The following LRRTM4 variants were observed in gnomAD, a reference collection of about 807,000 sequenced individuals.
LRRTM4 encodes the protein leucine-rich repeat transmembrane neuronal protein 4.
A neutral mutation model predicts 47.6 loss-of-function variants in LRRTM4; 25 were observed. That is an observed-to-expected ratio of 0.53 (90% CI 0.38 to 0.73). The LOEUF (loss-of-function observed/expected upper bound fraction) is 0.73. Ranked by LOEUF, LRRTM4 falls within the 30% of genes least tolerant of loss-of-function variation. The probability of loss-of-function intolerance (pLI) is 0.00; values close to 1 mark genes in which losing one functional copy is unlikely to be tolerated. For synonymous variants in LRRTM4, 311 were observed against 269.5 expected (o/e 1.15, Z -1.51); for missense variants, 638 against 713.4 (o/e 0.89, Z 1.20).
intron 3 of LRRTM4, among the ~76,000 whole-genome samples, chr2:76,948,369 A>T (rs142065282): frequency 6.6e-6 from 1 of 151,870 alleles, no homozygotes; most frequent in South Asian, 2.1e-4. Context: ...GTGAAGACAA[A>T]TGTCTTGCCT....
chr2:77,066,546 G>A (rs1425356424), intron 3 of LRRTM4, among the ~76,000 whole-genome samples: 1 of 152,180 alleles, frequency 6.6e-6, no homozygotes, highest in Non-Finnish European at 1.5e-5. Context: ...GAAGCTTAAT[G>A]TGAAAGTTCA....
chr2:76,796,222 C>T lies in LRRTM4; in HGVS notation c.1552-47306G>A, dbSNP rs1401699664. 1.9e-4 allele frequency among the ~76,000 whole-genome samples: 23 copies of T among 120,128 alleles called. 1 individual carries two copies. Among genetic ancestry groups the T allele is most frequent in the East Asian group, 3.1e-4 (1 of 3,214 alleles). The allele number at this position is 120,128 out of a possible 152,430, so 78.8% of individuals were successfully genotyped here. On this transcript the variant is annotated intron_variant, in intron 3 of 3. Coordinates refer to ENST00000409884, the MANE Select transcript of LRRTM4 (RefSeq NM_001134745.3). ...AGCAGTCTGAGATCAAACTGCAAGG[C>T]GGCAGCCAGGCTGGGGGAGGGGTGC... is the stretch of plus-strand genomic sequence containing the variant.
At chr2:76,902,235 C>A (rs1673661837) in intron 3 of LRRTM4, among the ~76,000 whole-genome samples, 1 of 152,306 alleles carries the variant, frequency 6.6e-6, no homozygotes, top group Non-Finnish European at 1.5e-5. Flanking sequence ...CTCTGGCCCT[C>A]TGGCTACACC....
At position 76,780,402 on chromosome 2, in the gene LRRTM4, C is replaced by G. The variant is rs1305939243; in HGVS notation, c.1552-31486G>C. 2.6e-5 allele frequency among the ~76,000 whole-genome samples: 4 copies of G among 152,168 alleles called. No homozygotes were observed. In the East Asian group the frequency reaches 7.7e-4, roughly 29 times the overall value. ...CCCCATCACTTTCAGGTACACCAAT[C>G]AGACGTAGATTTGGTCTTTTCACAT... On this transcript the variant is annotated intron_variant, in intron 3 of 3. Transcript: ENST00000409884.
chr2:76,789,908 A>G (rs577149798), intron 3 of LRRTM4, among the ~76,000 whole-genome samples: 1 of 152,114 alleles, frequency 6.6e-6, no homozygotes, highest in South Asian at 2.1e-4. Flanking sequence ...CTCTCCTTCT[A>G]TTTCACTTTT....
At chr2:77,176,304 AC>A (rs758208930) in intron 3 of LRRTM4, among the ~76,000 whole-genome samples, 23 of 152,174 alleles carry the variant, frequency 1.5e-4, no homozygotes, top group Middle Eastern at 3.4e-3. Flanking sequence ...GCCATTTCTG[AC>A]CTCCGTTAAG....
intron 3 of LRRTM4, among the ~76,000 whole-genome samples, chr2:76,945,326 G>T (rs771045609): frequency 6.6e-6 from 1 of 151,858 alleles, no homozygotes; most frequent in African/African-American, 2.4e-5. Flanking sequence ...TATATTTATC[G>T]GTCTCAGAGT....
At chr2:76,862,673 A>G (rs1440672876) in intron 3 of LRRTM4, among the ~76,000 whole-genome samples, 1 of 152,190 alleles carries the variant, frequency 6.6e-6, no homozygotes, top group Admixed American at 6.5e-5. Context: ...TGATATGCAT[A>G]AAATAAGGCA....
At chr2:76,788,706 G>A (rs1464370559) in intron 3 of LRRTM4, among the ~76,000 whole-genome samples, 1 of 152,170 alleles carries the variant, frequency 6.6e-6, no homozygotes, top group African/African-American at 2.4e-5. Context: ...TTTGTTCAGT[G>A]TCCTTTTATA....
chr2:77,269,848 C>G (rs941638265), intron 3 of LRRTM4, among the ~76,000 whole-genome samples: 3 of 152,144 alleles, frequency 2.0e-5, no homozygotes, highest in Non-Finnish European at 2.9e-5. Context: ...TCCTTGGTAA[C>G]AGTGATTTAT....
chr2:76,798,238 A>G (rs1333113022), intron 3 of LRRTM4, among the ~76,000 whole-genome samples: 1 of 152,206 alleles, frequency 6.6e-6, no homozygotes, highest in Non-Finnish European at 1.5e-5. Context: ...AGCAGAGATT[A>G]TAACAAACTA....
intron 3 of LRRTM4, among the ~76,000 whole-genome samples, chr2:77,176,932 T>C (rs1429589559): frequency 6.6e-6 from 1 of 152,104 alleles, no homozygotes; most frequent in African/African-American, 2.4e-5. Flanking sequence ...TTATAATACA[T>C]TAATATAATA....
At chr2:77,219,365 G>T (rs888571489) in intron 3 of LRRTM4, among the ~76,000 whole-genome samples, 4 of 152,108 alleles carry the variant, frequency 2.6e-5, no homozygotes, top group Non-Finnish European at 4.4e-5. Flanking sequence ...AGTACAGCCT[G>T]TTGAGTCACT....
At chr2:76,752,329 A>T (rs1341114251) in intron 3 of LRRTM4, among the ~76,000 whole-genome samples, 1 of 152,174 alleles carries the variant, frequency 6.6e-6, no homozygotes, top group African/African-American at 2.4e-5. Flanking sequence ...TTTGTCTTTG[A>T]ATTAAGTTGA....
intron 3 of LRRTM4, among the ~76,000 whole-genome samples, chr2:77,363,354 G>A (rs1037886428): frequency 6.6e-6 from 1 of 152,108 alleles, no homozygotes; most frequent in African/African-American, 2.4e-5. Context: ...TAAAACTGTA[G>A]TCAAGAAAGC....
At chr2:76,856,298 T>C (rs1034589526) in intron 3 of LRRTM4, among the ~76,000 whole-genome samples, 1 of 150,706 alleles carries the variant, frequency 6.6e-6, no homozygotes, top group Non-Finnish European at 1.5e-5. Context: ...GAGAGAGAGA[T>C]AAAAAAAAGT....
At chr2:77,356,651 T>C (rs942289285) in intron 3 of LRRTM4, among the ~76,000 whole-genome samples, 3 of 152,198 alleles carry the variant, frequency 2.0e-5, no homozygotes, top group Non-Finnish European at 4.4e-5. Context: ...CATTTCAGCA[T>C]ATAGATTCAC....
chr2:77,366,094 T>G (rs1055325514), intron 3 of LRRTM4, among the ~76,000 whole-genome samples: 1 of 151,686 alleles, frequency 6.6e-6, no homozygotes, highest in African/African-American at 2.4e-5. Context: ...ATGAATATAA[T>G]GAATCTCCTA....
At chr2:76,782,579 T>A (rs1057039216) in intron 3 of LRRTM4, among the ~76,000 whole-genome samples, 1 of 152,240 alleles carries the variant, frequency 6.6e-6, no homozygotes, top group Non-Finnish European at 1.5e-5. Flanking sequence ...GATTTAATAC[T>A]GCATCTTTAC....
Sources: allele counts gnomAD v4.1 joint callset (sites outside exome capture counted in the v4.1 genomes callset), GRCh38; gene constraint gnomAD v4.1.1; transcripts MANE v1.5; gene names NCBI Gene and HGNC (gene_info 2026-07-23, HGNC 2026-07-21).